GALNT13: variants seen among roughly 807,000 people sequenced by gnomAD.
GALNT13 encodes the protein UDP-GalNAc:polypeptide N-acetylgalactosaminyltransferase 13.
Under a neutral mutation model 64.2 loss-of-function variants are expected in GALNT13, and 28 were observed. The ratio of observed to expected loss-of-function variants is 0.44; its 90% CI spans 0.32 to 0.60. The LOEUF (loss-of-function observed/expected upper bound fraction) is 0.60. GALNT13 is among the 20% of genes least tolerant of loss of function. GALNT13 has a pLI of 0.05. For missense variants in GALNT13, 577 were observed against 669.8 expected, an observed-to-expected ratio of 0.86 and a Z score of 1.53; for synonymous variants, 214 against 224.6, an observed-to-expected ratio of 0.95 and a Z score of 0.42.
the GALNT13 span, among the ~76,000 whole-genome samples, chr2:153,150,992 C>A: frequency 2.0e-5 from 3 of 151,784 alleles, no homozygotes; most frequent in Non-Finnish European, 2.9e-5. Flanking sequence ...TAGTTTTTTC[C>A]AATTCTGTGA....
At chr2:153,880,075 C>A (rs866170955) in intron 1 of GALNT13, among the ~76,000 whole-genome samples, 3 of 152,106 alleles carry the variant, frequency 2.0e-5, no homozygotes, top group South Asian at 2.1e-4. Flanking sequence ...CTAAGATTTA[C>A]ATCTTTATAC....
chr2:153,145,831 A>G, the GALNT13 span, among the ~76,000 whole-genome samples: 1 of 151,940 alleles, frequency 6.6e-6, no homozygotes, highest in African/African-American at 2.4e-5. Context: ...TCCATGGACT[A>G]GCATGACCTC....
At chr2:154,259,839 T>G (rs1573970851) in intron 8 of GALNT13, among the ~76,000 whole-genome samples, 1 of 152,282 alleles carries the variant, frequency 6.6e-6, no homozygotes, top group East Asian at 1.9e-4. Context: ...CTTTTTTTTC[T>G]ACCTAAAATT....
intron 3 of GALNT13, among the ~76,000 whole-genome samples, chr2:154,047,141 A>C (rs1253430820): frequency 6.6e-6 from 1 of 152,034 alleles, no homozygotes; most frequent in Non-Finnish European, 1.5e-5. Flanking sequence ...AGTGCTTTCT[A>C]TTCTTATTTT....
In GALNT13 at chr2:154,379,895, T is replaced by C. The variant is rs1429542153; in HGVS notation, c.1157-16096T>C. ...CATGAAAATATTAATAAAACACTTA[T>C]CTTAATGACTGTTAAGTGAAGTAGC... On this transcript the variant is annotated intron_variant, in intron 9 of 12. Transcript: ENST00000392825. Among the ~76,000 whole-genome samples, 5 of 151,976 alleles carry C rather than the reference T, an allele frequency of 3.3e-5. No individual in the cohort carries two copies. The South Asian group carries it at 6.2e-4, about 19-fold the overall frequency.
chr2:153,994,405 G>A (rs931886368), intron 3 of GALNT13, among the ~76,000 whole-genome samples: 1 of 152,170 alleles, frequency 6.6e-6, no homozygotes, highest in East Asian at 1.9e-4. Context: ...ATAGCAGCAC[G>A]ATTTATAATC....
rs2105509133 is a variant in GALNT13 at position 154,450,692 on chromosome 2, T to C, written c.*141T>C. On this transcript the variant is annotated 3_prime_UTR_variant, in exon 13 of 13. Transcript: ENST00000392825. ...AAAACACAATTGTTTCTAATTCGTT[T>C]CTAGAAATGTTTGCTTATTTCCCTA... is the stretch of plus-strand genomic sequence containing the variant. 1 of 776,782 alleles carries C rather than the reference T, an allele frequency of 1.3e-6. No individual in the cohort carries two copies. The highest frequency in any genetic ancestry group is 2.5e-5 in the South Asian group (1 of 39,228). The allele number at this position is 776,782 out of a possible 1,614,324, so 48.1% of individuals were successfully genotyped here.
chr2:153,565,890 T>G, the GALNT13 span, among the ~76,000 whole-genome samples: 1 of 152,144 alleles, frequency 6.6e-6, no homozygotes, highest in African/African-American at 2.4e-5. Flanking sequence ...TATTAATTAC[T>G]TTAAGCAAAA....
intron 3 of GALNT13, among the ~76,000 whole-genome samples, chr2:154,011,191 G>T (rs1175935859): frequency 1.3e-5 from 2 of 151,282 alleles, no homozygotes; most frequent in Non-Finnish European, 2.9e-5. Context: ...AGGTTAGGTT[G>T]TCAATTTGAG....
chr2:153,915,739 T>C (rs1162371974), intron 2 of GALNT13, among the ~76,000 whole-genome samples: 2 of 152,190 alleles, frequency 1.3e-5, no homozygotes, highest in Non-Finnish European at 2.9e-5. Context: ...CCACAAGAGT[T>C]TTCCAGTAGT....
intron 4 of GALNT13, among the ~76,000 whole-genome samples, chr2:154,153,522 C>T (rs534825405): frequency 1.3e-5 from 2 of 152,222 alleles, no homozygotes; most frequent in African/African-American, 4.8e-5. Flanking sequence ...TGTCTGTGCC[C>T]AGCCCCCAGA....
chr2:153,833,516 A>C, the GALNT13 span, among the ~76,000 whole-genome samples: 1 of 152,142 alleles, frequency 6.6e-6, no homozygotes, highest in East Asian at 1.9e-4. Context: ...AAGAAGTCTC[A>C]CAGTATAATG....
intron 2 of GALNT13, among the ~76,000 whole-genome samples, chr2:153,937,643 CT>C (rs1691038207): frequency 6.6e-6 from 1 of 152,068 alleles, no homozygotes; most frequent in Non-Finnish European, 1.5e-5. Flanking sequence ...CTCAATAAAA[CT>C]TTTTTAAAAC....
intron 12 of GALNT13, among the ~76,000 whole-genome samples, chr2:154,443,438 C>T (rs567099181): frequency 6.6e-6 from 1 of 151,890 alleles, no homozygotes; most frequent in Non-Finnish European, 1.5e-5. Flanking sequence ...ATTATCTTTG[C>T]TATTAAATTA....
chr2:154,427,563 T>C (rs760747984), intron 11 of GALNT13, among the ~76,000 whole-genome samples: 39 of 152,168 alleles, frequency 2.6e-4, no homozygotes, highest in Non-Finnish European at 5.0e-4. Flanking sequence ...TATTGTTATA[T>C]TGAGGTGAAA....
intron 3 of GALNT13, among the ~76,000 whole-genome samples, chr2:154,030,089 G>T (rs1026707705): frequency 6.6e-6 from 1 of 152,028 alleles, no homozygotes. Flanking sequence ...CAGGACCAAA[G>T]AAATATTTAA....
chr2:153,240,858 T>C, the GALNT13 span, among the ~76,000 whole-genome samples: 3 of 152,102 alleles, frequency 2.0e-5, no homozygotes, highest in African/African-American at 4.8e-5. Context: ...TTAGGGGATC[T>C]TGGGTTTTCT....
At chr2:154,063,677 ATTAAT>A (rs1307478996) in intron 3 of GALNT13, among the ~76,000 whole-genome samples, 1 of 152,224 alleles carries the variant, frequency 6.6e-6, no homozygotes, top group Non-Finnish European at 1.5e-5. Flanking sequence ...GCAATCAAAA[ATTAAT>A]TTAAAGCTAT....
At chr2:153,628,824 C>T in the GALNT13 span, among the ~76,000 whole-genome samples, 20 of 152,202 alleles carry the variant, frequency 1.3e-4, 1 homozygote, top group South Asian at 2.7e-3. Flanking sequence ...TGTTGTGTCT[C>T]TGCCTGGCTT....
Sources: allele counts gnomAD v4.1 joint callset (sites outside exome capture counted in the v4.1 genomes callset), GRCh38; gene constraint gnomAD v4.1.1; transcripts MANE v1.5; gene names NCBI Gene and HGNC (gene_info 2026-07-23, HGNC 2026-07-21).